Variants in SPOCK1 observed in about 807,000 individuals in gnomAD.
SPOCK1 encodes SPARC (osteonectin), cwcv and kazal like domains proteoglycan 1.
Under a neutral mutation model 55.3 loss-of-function variants are expected in SPOCK1, and 23 were observed. The ratio of observed to expected loss-of-function variants is 0.42; its 90% confidence interval spans 0.30 to 0.59. The LOEUF (loss-of-function observed/expected upper bound fraction) is 0.59, where lower values mean the gene tolerates loss of function less well. SPOCK1 is among the 20% of genes least tolerant of loss of function. The pLI is 0.22. For synonymous variants in SPOCK1, 226 were observed against 221.0 expected, an observed-to-expected ratio of 1.02 and a Z score of -0.20; for missense variants, 499 against 552.5, an observed-to-expected ratio of 0.90 and a Z score of 0.97.
At chr5:137,144,233 G>A (rs929397095) in intron 3 of SPOCK1, among the ~76,000 whole-genome samples, 3 of 152,026 alleles carry the variant, frequency 2.0e-5, no homozygotes, top group African/African-American at 7.3e-5. Context: ...ACCATGGTCT[G>A]GTCAATTTTG....
intron 2 of SPOCK1, among the ~76,000 whole-genome samples, chr5:137,452,402 C>T (rs567196240): frequency 5.9e-5 from 9 of 152,164 alleles, no homozygotes; most frequent in South Asian, 2.1e-4. Flanking sequence ...TTTGAAAGGG[C>T]GGGGCTTACT....
At chr5:137,434,657 G>A (rs1034780069) in intron 2 of SPOCK1, among the ~76,000 whole-genome samples, 14 of 150,782 alleles carry the variant, frequency 9.3e-5, no homozygotes, top group African/African-American at 3.2e-4. Context: ...CCGCCACCAC[G>A]CCCAGCTAAT....
intron 3 of SPOCK1, among the ~76,000 whole-genome samples, chr5:137,256,750 C>T (rs1440097574): frequency 6.6e-6 from 1 of 152,134 alleles, no homozygotes; most frequent in Non-Finnish European, 1.5e-5. Flanking sequence ...CGAGGCACTG[C>T]CTCCACCCCA....
chr5:137,001,075 T>C (rs547011248), intron 6 of SPOCK1, among the ~76,000 whole-genome samples: 16 of 152,258 alleles, frequency 1.1e-4, no homozygotes, highest in Non-Finnish European at 1.9e-4. Context: ...ATCCCAGTGG[T>C]GCCATCCTCG....
intron 3 of SPOCK1, among the ~76,000 whole-genome samples, chr5:137,170,803 G>T (rs1005463792): frequency 2.0e-5 from 3 of 152,264 alleles, no homozygotes; most frequent in South Asian, 2.1e-4. Context: ...GTATTTTGTT[G>T]TGGCAGCGCA....
chr5:137,250,379 C>T (rs987153162), intron 3 of SPOCK1, among the ~76,000 whole-genome samples: 1 of 152,216 alleles, frequency 6.6e-6, no homozygotes, highest in African/African-American at 2.4e-5. Context: ...AATAGATAGC[C>T]TCAACTCCAC....
chr5:137,136,908 C>T (rs954766111), intron 4 of SPOCK1, among the ~76,000 whole-genome samples: 2 of 152,126 alleles, frequency 1.3e-5, no homozygotes, highest in African/African-American at 4.8e-5. Context: ...TATGAGTTTA[C>T]CTGAAACCAA....
intron 3 of SPOCK1, among the ~76,000 whole-genome samples, chr5:137,242,002 T>C (rs1024076485): frequency 6.6e-6 from 1 of 152,190 alleles, no homozygotes. Flanking sequence ...CTTATGATAG[T>C]AAAATACTGG....
At chr5:137,334,089 C>T (rs1007181818) in intron 2 of SPOCK1, among the ~76,000 whole-genome samples, 6 of 152,170 alleles carry the variant, frequency 3.9e-5, no homozygotes, top group African/African-American at 1.4e-4. Flanking sequence ...TCCTCTCTCC[C>T]TCCCTGTTTC....
intron 2 of SPOCK1, among the ~76,000 whole-genome samples, chr5:137,385,850 TTC>T (rs1751589622): frequency 6.6e-6 from 1 of 152,238 alleles, no homozygotes; most frequent in Non-Finnish European, 1.5e-5. Context: ...AGAAAACTTT[TTC>T]TGTCAAGGGC....
chr5:136,979,959 T>C (rs986823776), intron 9 of SPOCK1, among the ~76,000 whole-genome samples: 1 of 152,214 alleles, frequency 6.6e-6, no homozygotes, highest in Non-Finnish European at 1.5e-5. Context: ...TATAAAACTT[T>C]CTATACGCAT....
chr5:137,435,097 A>T (rs1003678839), intron 2 of SPOCK1, among the ~76,000 whole-genome samples: 1 of 152,210 alleles, frequency 6.6e-6, no homozygotes, highest in Non-Finnish European at 1.5e-5. Context: ...TTATATTTAT[A>T]ATCTTACATC....
intron 6 of SPOCK1, among the ~76,000 whole-genome samples, chr5:137,028,323 T>C (rs547854292): frequency 3.3e-4 from 50 of 152,320 alleles, no homozygotes; most frequent in African/African-American, 1.1e-3. Flanking sequence ...ATGTAATTCA[T>C]AGGACTACCA....
chr5:137,197,149 T>C (rs1432610857), intron 3 of SPOCK1, among the ~76,000 whole-genome samples: 4 of 152,178 alleles, frequency 2.6e-5, no homozygotes, highest in Admixed American at 2.6e-4. Flanking sequence ...AGAATTCATT[T>C]AGACATGAAT....
chr5:137,064,881 C>T (rs1367401317), intron 6 of SPOCK1, among the ~76,000 whole-genome samples: 3 of 152,168 alleles, frequency 2.0e-5, no homozygotes, highest in South Asian at 2.1e-4. Flanking sequence ...TATCAATGCC[C>T]TCACTCCCCC....
chr5:137,319,756 T>C (rs1482190936), intron 2 of SPOCK1, among the ~76,000 whole-genome samples: 1 of 151,644 alleles, frequency 6.6e-6, no homozygotes, highest in East Asian at 1.9e-4. Context: ...CCATCCTGGC[T>C]AACAAGGTGA....
intron 6 of SPOCK1, among the ~76,000 whole-genome samples, chr5:137,032,606 G>A (rs1004991859): frequency 2.0e-5 from 3 of 152,118 alleles, no homozygotes; most frequent in Admixed American, 6.6e-5. Context: ...CGGTACTCAC[G>A]AGAAAACCAA....
chr5:137,405,307 C>G (rs531468287), intron 2 of SPOCK1, among the ~76,000 whole-genome samples: 2 of 152,296 alleles, frequency 1.3e-5, no homozygotes, highest in Admixed American at 1.3e-4. Flanking sequence ...TTACTGACAG[C>G]TCACATAATG....
At chr5:137,341,292 T>C (rs1421105416) in intron 2 of SPOCK1, among the ~76,000 whole-genome samples, 4 of 152,230 alleles carry the variant, frequency 2.6e-5, no homozygotes, top group African/African-American at 9.6e-5. Context: ...AGTATAAATG[T>C]AGTTATATTT....
Sources: gnomAD v4.1 joint callset for allele counts (sites outside exome capture counted in the v4.1 genomes callset) on GRCh38, gnomAD v4.1.1 for gene constraint, MANE v1.5 for transcripts, NCBI Gene and HGNC (gene_info 2026-07-23, HGNC 2026-07-21) for gene names.